The following UNC13C variants were observed in gnomAD, a reference collection of about 807,000 sequenced individuals.
UNC13C encodes the protein unc-13 homolog C, also known as protein unc-13 homolog C.
UNC13C carries 174 observed loss-of-function variants against 245.4 expected under a neutral mutation model. The observed-to-expected ratio is 0.71, with a 90% CI of 0.63 to 0.80. The LOEUF (loss-of-function observed/expected upper bound fraction) is 0.80. Ranked by LOEUF, UNC13C falls within the 30% of genes least tolerant of loss-of-function variation. The pLI, the probability that UNC13C is intolerant of heterozygous loss-of-function variation, is 0.00. For synonymous variants in UNC13C, 992 were observed against 895.1 expected (o/e 1.11, Z -1.93); for missense variants, 2,829 against 2,602.9 (o/e 1.09, Z -1.89).
At chr15:54,160,894 A>G (rs186007846) in intron 4 of UNC13C, among the ~76,000 whole-genome samples, 255 of 152,290 alleles carry the variant, frequency 1.7e-3, no homozygotes, top group African/African-American at 5.7e-3. Flanking sequence ...TGATAAAGCT[A>G]TTTTAATGAG....
At chr15:54,385,650 G>T (rs1187085673) in intron 17 of UNC13C, among the ~76,000 whole-genome samples, 2 of 151,960 alleles carry the variant, frequency 1.3e-5, no homozygotes, top group East Asian at 3.9e-4. Context: ...TAGCAGACTA[G>T]GGTTACTATA....
intron 19 of UNC13C, among the ~76,000 whole-genome samples, chr15:54,443,432 C>G (rs777596268): frequency 6.6e-6 from 1 of 151,758 alleles, no homozygotes; most frequent in Admixed American, 6.6e-5. Context: ...TTATTTCTTT[C>G]TTTCAACTAA....
chr15:54,125,969 C>T (rs1170001603), intron 2 of UNC13C, among the ~76,000 whole-genome samples: 1 of 151,924 alleles, frequency 6.6e-6, no homozygotes, highest in Non-Finnish European at 1.5e-5. Context: ...ATACACAATA[C>T]AATACGTACA....
intron 28 of UNC13C, among the ~76,000 whole-genome samples, chr15:54,552,669 CTATATAATATAATTATA>C (rs1276525155): frequency 1.4e-5 from 1 of 70,344 alleles, no homozygotes; most frequent in East Asian, 4.6e-4. Context: ...TTATATTGTA[CTATATAATATAATTATA>C]TAATTATATA....
intron 27 of UNC13C, among the ~76,000 whole-genome samples, chr15:54,547,469 C>T (rs1370243250): frequency 2.0e-5 from 3 of 152,154 alleles, no homozygotes; most frequent in Non-Finnish European, 4.4e-5. Flanking sequence ...ATAACACTAA[C>T]AAGCACCTGT....
chr15:53,934,535 C>A, the UNC13C span, among the ~76,000 whole-genome samples: 1 of 152,136 alleles, frequency 6.6e-6, no homozygotes, highest in Non-Finnish European at 1.5e-5. Flanking sequence ...GCAAAGCTAC[C>A]AATTAAAGAG....
At chr15:53,890,228 G>A in the UNC13C span, among the ~76,000 whole-genome samples, 10 of 150,318 alleles carry the variant, frequency 6.7e-5, no homozygotes, top group African/African-American at 1.7e-4. Context: ...TGCAAGCTCC[G>A]CCTTCTGGGT....
At chr15:54,227,998 A>G (rs1042478009) in intron 4 of UNC13C, among the ~76,000 whole-genome samples, 15 of 152,146 alleles carry the variant, frequency 9.9e-5, no homozygotes, top group African/African-American at 3.1e-4. Context: ...TGGAGTCTGA[A>G]GTCAGAAACT....
chr15:54,446,969 A>G (rs930694362), intron 19 of UNC13C, among the ~76,000 whole-genome samples: 2 of 152,196 alleles, frequency 1.3e-5, no homozygotes, highest in Admixed American at 1.3e-4. Context: ...CATCCCATCA[A>G]TACCTAATTT....
chr15:54,008,220 T>A (rs1865117883), intron 1 of UNC13C, among the ~76,000 whole-genome samples: 1 of 152,226 alleles, frequency 6.6e-6, no homozygotes, highest in African/African-American at 2.4e-5. Flanking sequence ...AATATTAGTT[T>A]CCGAGTTTAC....
chr15:53,976,350 T>C (rs1250855754), upstream of UNC13C, among the ~76,000 whole-genome samples: 3 of 152,150 alleles, frequency 2.0e-5, no homozygotes, highest in African/African-American at 7.2e-5. Flanking sequence ...TAAAAACTAA[T>C]GATTACCACC....
intron 19 of UNC13C, among the ~76,000 whole-genome samples, chr15:54,463,390 T>A (rs766536448): frequency 2.0e-5 from 3 of 149,994 alleles, no homozygotes; most frequent in Non-Finnish European, 4.4e-5. Context: ...TTGCAGTAAA[T>A]CTTACTGCTG....
intron 19 of UNC13C, among the ~76,000 whole-genome samples, chr15:54,441,442 A>G (rs1392656146): frequency 1.3e-5 from 2 of 151,930 alleles, no homozygotes; most frequent in African/African-American, 4.8e-5. Flanking sequence ...TTCCTGATAT[A>G]TGTTCTTGGC....
At chr15:54,222,774 A>G (rs897252489) in intron 4 of UNC13C, among the ~76,000 whole-genome samples, 3 of 151,946 alleles carry the variant, frequency 2.0e-5, no homozygotes, top group African/African-American at 7.2e-5. Flanking sequence ...GTATTTGGAT[A>G]AAAGCCATTT....
intron 2 of UNC13C, among the ~76,000 whole-genome samples, chr15:54,137,389 A>G (rs1307653860): frequency 6.6e-6 from 1 of 152,064 alleles, no homozygotes; most frequent in African/African-American, 2.4e-5. Context: ...CTCCTCTTCA[A>G]TTTTTTGAAG....
the UNC13C span, among the ~76,000 whole-genome samples, chr15:53,930,260 G>A: frequency 6.6e-6 from 1 of 152,170 alleles, no homozygotes; most frequent in African/African-American, 2.4e-5. Flanking sequence ...AGCTCCCAGA[G>A]AGCAGGAGTA....
intron 4 of UNC13C, among the ~76,000 whole-genome samples, chr15:54,160,939 T>C (rs2032948742): frequency 6.6e-6 from 1 of 152,128 alleles, no homozygotes; most frequent in Non-Finnish European, 1.5e-5. Context: ...ATGTGAAAAA[T>C]CTTTAATTTG....
intron 30 of UNC13C, among the ~76,000 whole-genome samples, chr15:54,585,319 T>C (rs1450015794): frequency 1.3e-5 from 2 of 152,126 alleles, no homozygotes; most frequent in Non-Finnish European, 2.9e-5. Context: ...AGTGTGGTAC[T>C]GCCCCCGTGT....
chr15:54,121,857 G>A (rs971766547), intron 2 of UNC13C, among the ~76,000 whole-genome samples: 39 of 151,752 alleles, frequency 2.6e-4, no homozygotes, highest in African/African-American at 8.2e-4. Context: ...GTATTGCACT[G>A]CTTTTGTCAG....
Sources: gnomAD v4.1 joint callset for allele counts (sites outside exome capture counted in the v4.1 genomes callset) on GRCh38, gnomAD v4.1.1 for gene constraint, MANE v1.5 for transcripts, NCBI Gene and HGNC (gene_info 2026-07-23, HGNC 2026-07-21) for gene names.